Variants in NADK2 observed in about 807,000 individuals in gnomAD.
The protein encoded by NADK2 is NAD kinase 2, mitochondrial.
NADK2 carries 35 observed loss-of-function variants against 62.1 expected under a neutral mutation model. The ratio of observed to expected loss-of-function variants is 0.56; its 90% CI spans 0.43 to 0.75. The LOEUF (loss-of-function observed/expected upper bound fraction) is 0.75, where lower values mean the gene tolerates loss of function less well. Ranked by LOEUF, NADK2 falls within the 30% of genes least tolerant of loss-of-function variation. The probability of loss-of-function intolerance (pLI) is 0.00; values close to 1 mark genes in which losing one functional copy is unlikely to be tolerated. For missense variants in NADK2, 439 were observed against 561.3 expected, an observed-to-expected ratio of 0.78 and a Z score of 2.20; for synonymous variants, 205 against 207.9, an observed-to-expected ratio of 0.99 and a Z score of 0.12.
rs1747098840 is a variant in NADK2, at chr5:36,217,737, A to C, written c.781+11T>G. The C allele has an allele frequency of 6.2e-7, 1 of 1,613,606 alleles. No individual in the cohort carries two copies. The highest frequency in any genetic ancestry group is 1.7e-5 in the Admixed American group (1 of 59,970). On this transcript the variant is annotated intron_variant, in intron 6 of 11. Coordinates refer to ENST00000381937, the MANE Select transcript of NADK2 (RefSeq NM_001085411.3). ...ATTTCCCCAAACACATCTGATGCCC[A>C]ATCCACCTACTTTCATCATGAGCTC...
rs1417234808 is a variant in NADK2 at position 36,241,733 on chromosome 5, C to T, written c.66G>A (p.Ala22=). The T allele has an allele frequency of 3.0e-5, 38 of 1,261,710 alleles. No individual in the cohort carries two copies. Among genetic ancestry groups the T allele is most frequent in the Non-Finnish European group, 3.8e-5 (38 of 998,588 alleles). The allele number at this position is 1,261,710 out of a possible 1,614,324, so 78.2% of individuals were successfully genotyped here. A position where few individuals can be genotyped will look rare whatever the true frequency, so the allele number is the denominator to read the frequency against. Residue 22 remains alanine (A), a synonymous_variant, in exon 1 of 12, where the codon GCG becomes GCA. Transcript: ENST00000381937. The surrounding 1 kb of genome is among the most constrained non-coding windows in gnomAD (Gnocchi z 4.9). ...CCRVAGGRAA[A]LRGPGAGGPA... ...GGCCTCCCGCACCCGGTCCCCGCAG[C>T]GCCGCCGCCCGGCCGCCCGCCACGC...
chr5:36,241,948 G>T, upstream of NADK2: 1 of 595,566 alleles, frequency 1.7e-6, no homozygotes, highest in Non-Finnish European at 2.2e-6. The surrounding 1 kb of genome is among the most constrained non-coding windows in gnomAD (Gnocchi z 4.9). Context: ...GGCCCACGCG[G>T]CTAGGGGGAC....
At chr5:36,196,447 C>G (rs1011772790) in intron 11 of NADK2, among the ~76,000 whole-genome samples, 1 of 152,058 alleles carries the variant, frequency 6.6e-6, no homozygotes, top group Non-Finnish European at 1.5e-5. Flanking sequence ...AAATGCCTGA[C>G]TTTGGCCATT....
intron 1 of NADK2, among the ~76,000 whole-genome samples, chr5:36,234,275 A>C (rs910043177): frequency 6.8e-6 from 1 of 147,734 alleles, no homozygotes; most frequent in Admixed American, 6.8e-5. Context: ...CGGGAGGCTG[A>C]GGCAGGAGAA....
At chr5:36,239,328 C>T (rs1748022863) in intron 1 of NADK2, among the ~76,000 whole-genome samples, 1 of 152,244 alleles carries the variant, frequency 6.6e-6, no homozygotes, top group African/African-American at 2.4e-5. Context: ...TGGTCTACAA[C>T]TAATGCTATT....
chr5:36,236,737 A>T (rs1322109651), intron 1 of NADK2, among the ~76,000 whole-genome samples: 1 of 152,152 alleles, frequency 6.6e-6, no homozygotes, highest in African/African-American at 2.4e-5. Flanking sequence ...AGTTTAGAAA[A>T]GAAAATAATC....
rs965553826 is a variant in NADK2 at position 36,193,663 on chromosome 5, G to A, written c.*1481C>T. The stretch of plus-strand genomic sequence containing the variant: ...TAAATTCTTTGCTATGAATGTCTAC[G>A]CAGATACTTTAAGAAAAATTGATTC... On this transcript the variant is annotated 3_prime_UTR_variant, in exon 12 of 12. Transcript: ENST00000381937. 8 of 151,924 alleles carry A rather than the reference G, an allele frequency of 5.3e-5. No individual in the cohort carries two copies. Among genetic ancestry groups the A allele is most frequent in the South Asian group, 2.1e-4 (1 of 4,810 alleles). The allele number at this position is 151,924 out of a possible 1,614,324, so 9.4% of individuals were successfully genotyped here. A position where few individuals can be genotyped will look rare whatever the true frequency, so the allele number is the denominator to read the frequency against.
At chr5:36,216,911 A>T (rs1011192163) in intron 6 of NADK2, among the ~76,000 whole-genome samples, 13 of 152,174 alleles carry the variant, frequency 8.5e-5, no homozygotes, top group South Asian at 4.1e-4. Flanking sequence ...ATTTCTTAAG[A>T]TTTTTTTAAA....
chr5:36,236,760 T>G (rs72744564), intron 1 of NADK2, among the ~76,000 whole-genome samples: 45,155 of 150,380 alleles, frequency 0.3, 8,026 homozygotes, highest in South Asian at 0.45. Context: ...AGATAAGTAT[T>G]ATGAAGTGAA....
intron 6 of NADK2, among the ~76,000 whole-genome samples, chr5:36,216,918 T>A (rs964096221): frequency 1.3e-5 from 2 of 152,114 alleles, no homozygotes; most frequent in Non-Finnish European, 2.9e-5. Flanking sequence ...AAGATTTTTT[T>A]AAATAGAATT....
intron 1 of NADK2, among the ~76,000 whole-genome samples, chr5:36,235,007 A>G (rs1478898449): frequency 6.6e-6 from 1 of 152,222 alleles, no homozygotes; most frequent in African/African-American, 2.4e-5. Context: ...TCCAGGATCC[A>G]GCAGGATGCC....
At chr5:36,201,412 C>A (rs916970937) in intron 8 of NADK2, among the ~76,000 whole-genome samples, 1 of 151,838 alleles carries the variant, frequency 6.6e-6, no homozygotes, top group Admixed American at 6.6e-5. Context: ...TGAACATATT[C>A]TTCAATCTAG....
chr5:36,216,969 A>G (rs1316906696), intron 6 of NADK2, among the ~76,000 whole-genome samples: 1 of 152,126 alleles, frequency 6.6e-6, no homozygotes, highest in Admixed American at 6.6e-5. Flanking sequence ...ACATAAACAC[A>G]TATCTTAGAA....
chr5:36,227,688 T>A, intron 1 of NADK2, 123 bp from the exon 2 acceptor site: 1 of 437,604 alleles, frequency 2.3e-6, no homozygotes. Flanking sequence ...AATAACTACC[T>A]GTGAAACCTA....
intron 4 of NADK2, 61 bp downstream of exon 4, chr5:36,225,481 T>TA (rs201840684): frequency 1.9e-3 from 2,512 of 1,331,852 alleles, no homozygotes; most frequent in South Asian, 2.4e-3. Context: ...ATGTATAACC[T>TA]AAAAAAAAAC....
chr5:36,241,676 A>C lies in NADK2; in HGVS notation c.123T>G (p.Gly41=), dbSNP rs1748133755. 1 of 1,200,696 alleles carries C rather than the reference A, an allele frequency of 8.3e-7. No homozygotes were observed. Among genetic ancestry groups the C allele is most frequent in the Non-Finnish European group, 1.0e-6 (1 of 969,766 alleles). The allele number at this position is 1,200,696 out of a possible 1,614,324, so 74.4% of individuals were successfully genotyped here. The change falls in exon 1 of 12, where the codon GGT becomes GGG. Residue 41 remains glycine, a synonymous_variant. Coordinates refer to ENST00000381937, the MANE Select transcript of NADK2 (RefSeq NM_001085411.3). The surrounding 1 kb of genome is among the most constrained non-coding windows in gnomAD (Gnocchi z 4.9). ...CCTGCCCCAGGTGCCGCCGGCCGCC[A>C]CCGTCACCGCCCAGCCGGGGCCGCG... ...PAARPRLGGD[G]GGRRHLGQGQ...
upstream of NADK2, chr5:36,241,952 G>A (rs1561081877): frequency 1.8e-6 from 1 of 560,196 alleles, no homozygotes; most frequent in Non-Finnish European, 2.4e-6. The surrounding 1 kb of genome is among the most constrained non-coding windows in gnomAD (Gnocchi z 4.9). Context: ...CACGCGGCTA[G>A]GGGGACGTAC....
chr5:36,224,022 G>A (rs542660788), intron 4 of NADK2, among the ~76,000 whole-genome samples: 1 of 152,212 alleles, frequency 6.6e-6, no homozygotes, highest in Non-Finnish European at 1.5e-5. Context: ...AACAAGGTGG[G>A]TTTATTGAAG....
intron 6 of NADK2, among the ~76,000 whole-genome samples, chr5:36,215,906 G>A (rs1423224449): frequency 2.0e-5 from 3 of 152,112 alleles, no homozygotes; most frequent in Non-Finnish European, 4.4e-5. Flanking sequence ...AACATGAGGC[G>A]CCAGTATCTC....
Sources: allele counts gnomAD v4.1 joint callset (sites outside exome capture counted in the v4.1 genomes callset), GRCh38; gene constraint gnomAD v4.1.1; non-coding constraint Gnocchi (gnomAD v3.1); transcripts MANE v1.5; gene names NCBI Gene and HGNC (gene_info 2026-07-23, HGNC 2026-07-21).